The following CCDC181 variants were observed in gnomAD, a reference collection of about 807,000 sequenced individuals.
The protein encoded by CCDC181 is coiled-coil domain containing 181.
Under a neutral mutation model 58.7 loss-of-function variants are expected in CCDC181, and 35 were observed. The observed-to-expected ratio is 0.60, with a 90% confidence interval of 0.46 to 0.79. The LOEUF is 0.79. CCDC181 is among the 30% of genes least tolerant of loss of function. CCDC181 has a pLI of 0.00. For synonymous variants in CCDC181, 183 were observed against 197.5 expected (o/e 0.93, Z 0.62); for missense variants, 517 against 583.9 (o/e 0.89, Z 1.18).
upstream of CCDC181, among the ~76,000 whole-genome samples, chr1:169,428,125 G>A (rs2102108707): frequency 6.6e-6 from 1 of 152,278 alleles, no homozygotes; most frequent in East Asian, 1.9e-4. Flanking sequence ...ATCACTTGAT[G>A]TGATGGAGAG....
At chr1:169,403,433 A>G (rs549768213) in intron 4 of CCDC181, among the ~76,000 whole-genome samples, 4 of 152,380 alleles carry the variant, frequency 2.6e-5, no homozygotes, top group South Asian at 2.1e-4. Context: ...CAGCAAATGT[A>G]AAAACACAGA....
intron 3 of CCDC181, among the ~76,000 whole-genome samples, chr1:169,420,891 A>C (rs1656421515): frequency 6.6e-6 from 1 of 152,194 alleles, no homozygotes; most frequent in East Asian, 1.9e-4. Flanking sequence ...CTTAATCTGA[A>C]ACTAAACTCC....
In CCDC181 at chr1:169,422,328, T is replaced by A; in HGVS notation, c.118-15A>T. 6.7e-7 allele frequency: 1 copy of A among 1,497,114 alleles called. No individual in the cohort carries two copies. Among genetic ancestry groups the A allele is most frequent in the Non-Finnish European group, 9.0e-7 (1 of 1,112,800 alleles). The allele number at this position is 1,497,114 out of a possible 1,614,324, so 92.7% of individuals were successfully genotyped here. On this transcript the variant is annotated splice_polypyrimidine_tract_variant and intron_variant, in intron 2 of 5. Transcript: ENST00000367806. ...TCACAAGCCATCTAAAAACAAGATA[T>A]TTTTCAGTCAAAATTGAGATTCTTC...
chr1:169,403,125 A>G (rs1260991264), intron 4 of CCDC181, among the ~76,000 whole-genome samples: 1 of 152,216 alleles, frequency 6.6e-6, no homozygotes, highest in Non-Finnish European at 1.5e-5. Flanking sequence ...TCCTAAATAT[A>G]TATGCACCCA....
rs1316259058 is a variant in CCDC181, at chr1:169,422,324, G to A, written c.118-11C>T. The A allele has an allele frequency of 4.0e-6, 6 of 1,497,578 alleles. No individual in the cohort carries two copies. The East Asian group carries it at 1.2e-4, about 29-fold the overall frequency. 92.8% of individuals were successfully genotyped at this position (1,497,578 alleles called of 1,614,324 possible). The stretch of plus-strand genomic sequence containing the variant: ...CTTCTCACAAGCCATCTAAAAACAA[G>A]ATATTTTTCAGTCAAAATTGAGATT... On this transcript the variant is annotated splice_polypyrimidine_tract_variant and intron_variant, in intron 2 of 5. Transcript: ENST00000367806.
intron 3 of CCDC181, 24 bp from the exon 4 acceptor site, chr1:169,419,183 A>G (rs1382315417): frequency 8.5e-6 from 13 of 1,532,338 alleles, no homozygotes; most frequent in Non-Finnish European, 1.1e-5. Flanking sequence ...ATGAAAAGAC[A>G]TTAATGGAAG....
At chr1:169,445,398 A>G (rs1657347037) in intron 2 of CCDC181, among the ~76,000 whole-genome samples, 1 of 152,112 alleles carries the variant, frequency 6.6e-6, no homozygotes. Context: ...TAAAATGATC[A>G]CATTATTTTT....
At chr1:169,453,082 CAAA>C (rs1027033280) in intron 2 of CCDC181, among the ~76,000 whole-genome samples, 10 of 137,908 alleles carry the variant, frequency 7.3e-5, no homozygotes, top group Non-Finnish European at 1.1e-4. Context: ...ATTGAAACGA[CAAA>C]AAAAAAAGAA....
intron 2 of CCDC181, among the ~76,000 whole-genome samples, chr1:169,455,572 CA>C (rs1657659432): frequency 6.6e-6 from 1 of 152,030 alleles, no homozygotes; most frequent in African/African-American, 2.4e-5. Flanking sequence ...GTTTTTAAAG[CA>C]AGAACATGGA....
intron 2 of CCDC181, chr1:169,443,261 G>T (rs540817966): frequency 6.6e-6 from 1 of 152,034 alleles, no homozygotes; most frequent in African/African-American, 2.4e-5. Flanking sequence ...ATTTTCATTT[G>T]TTTAGTAGAT....
At chr1:169,440,630 G>A (rs543526958) in intron 2 of CCDC181, among the ~76,000 whole-genome samples, 1 of 152,230 alleles carries the variant, frequency 6.6e-6, no homozygotes, top group Admixed American at 6.5e-5. Context: ...AAACATGCAA[G>A]ATGGGGCCAG....
At chr1:169,450,564 A>G (rs1657508818) in intron 2 of CCDC181, among the ~76,000 whole-genome samples, 1 of 152,214 alleles carries the variant, frequency 6.6e-6, no homozygotes, top group Admixed American at 6.5e-5. Flanking sequence ...TAGCTGATAG[A>G]CATTTGGGTT....
At chr1:169,429,578 C>A (rs766303937), upstream of CCDC181, among the ~76,000 whole-genome samples, 20 of 151,980 alleles carry the variant, frequency 1.3e-4, no homozygotes, top group Non-Finnish European at 1.9e-4. Context: ...TTTTTCATCT[C>A]TTTATTGGCC....
intron 2 of CCDC181, among the ~76,000 whole-genome samples, chr1:169,434,465 A>G (rs12021580): frequency 0.36 from 55,041 of 151,846 alleles, 11,753 homozygotes; most frequent in Non-Finnish European, 0.48. Context: ...CAGGATCTTG[A>G]AAAAAATATT....
chr1:169,436,512 T>C (rs889128377), intron 2 of CCDC181, among the ~76,000 whole-genome samples: 1 of 152,128 alleles, frequency 6.6e-6, no homozygotes, highest in Non-Finnish European at 1.5e-5. Flanking sequence ...TTCAAGTGAT[T>C]CTCAAAGGTT....
At chr1:169,409,996 A>T (rs1655874920) in intron 4 of CCDC181, among the ~76,000 whole-genome samples, 1 of 152,034 alleles carries the variant, frequency 6.6e-6, no homozygotes, top group South Asian at 2.1e-4. Context: ...AAAATAACCA[A>T]CTAGCATCAT....
intron 2 of CCDC181, among the ~76,000 whole-genome samples, chr1:169,456,456 T>C (rs570503534): frequency 9.9e-5 from 15 of 152,136 alleles, no homozygotes; most frequent in Admixed American, 2.0e-4. Flanking sequence ...GACTGTTTGG[T>C]GCTGTGGTTT....
chr1:169,399,469 G>A (rs1300253143), intron 4 of CCDC181, among the ~76,000 whole-genome samples: 1 of 152,034 alleles, frequency 6.6e-6, no homozygotes, highest in Non-Finnish European at 1.5e-5. Flanking sequence ...GTAAATTACA[G>A]CAGAACTATC....
chr1:169,440,484 G>A (rs1657185825), intron 2 of CCDC181, among the ~76,000 whole-genome samples: 1 of 152,208 alleles, frequency 6.6e-6, no homozygotes, highest in Non-Finnish European at 1.5e-5. Context: ...GCCTCCCAGA[G>A]CTGAGTTTTG....
Sources: allele counts gnomAD v4.1 joint callset (sites outside exome capture counted in the v4.1 genomes callset), GRCh38; gene constraint gnomAD v4.1.1; transcripts MANE v1.5; gene names NCBI Gene and HGNC (gene_info 2026-07-23, HGNC 2026-07-21).